Variants in GRB2 observed in about 807,000 individuals in gnomAD.
GRB2 encodes growth factor receptor-bound protein 2.
A neutral mutation model predicts 27.4 loss-of-function variants in GRB2; 2 were observed. The observed-to-expected ratio is 0.07, with a 90% CI of 0.03 to 0.23. GRB2 has a LOEUF of 0.23. Ranked by LOEUF, GRB2 falls within the 10% of genes least tolerant of loss-of-function variation. The pLI, the probability that GRB2 is intolerant of heterozygous loss-of-function variation, is 1.00. For missense variants in GRB2, 102 were observed against 282.4 expected, an observed-to-expected ratio of 0.36 and a Z score of 4.58; for synonymous variants, 94 against 99.6, an observed-to-expected ratio of 0.94 and a Z score of 0.33.
chr17:75,338,816 C>A, intron 2 of GRB2: 1 of 752,542 alleles, frequency 1.3e-6, no homozygotes, highest in Non-Finnish European at 2.4e-6. Flanking sequence ...GTGCTGATAG[C>A]ACTCACGCAA....
At chr17:75,388,244 G>T (rs1204933025) in intron 2 of GRB2, among the ~76,000 whole-genome samples, 2 of 151,592 alleles carry the variant, frequency 1.3e-5, no homozygotes, top group Admixed American at 1.3e-4. Flanking sequence ...TTACAGGTAC[G>T]CACGCGCACC....
chr17:75,377,940 C>T (rs1307217649), intron 2 of GRB2, among the ~76,000 whole-genome samples: 1 of 152,134 alleles, frequency 6.6e-6, no homozygotes, highest in Non-Finnish European at 1.5e-5. Flanking sequence ...AACAGCAAAA[C>T]AAAAACATCT....
intron 5 of GRB2, 116 bp downstream of exon 5, chr17:75,321,543 G>C (rs1376510615): frequency 3.4e-6 from 3 of 877,512 alleles, no homozygotes; most frequent in Non-Finnish European, 5.4e-6. Context: ...AAGCCCCAGC[G>C]GCAATCCCTG....
At chr17:75,345,104 C>T (rs1489030337) in intron 2 of GRB2, among the ~76,000 whole-genome samples, 8 of 151,994 alleles carry the variant, frequency 5.3e-5, no homozygotes, top group East Asian at 1.9e-4. Flanking sequence ...AGTGCAGTGG[C>T]GCAATCTCGG....
In GRB2 at chr17:75,320,617, G is replaced by A. The variant is rs1420577367; in HGVS notation, c.469-64C>T. 12 of 1,292,678 alleles carry A rather than the reference G, an allele frequency of 9.3e-6. No homozygotes were observed. The African/African-American group carries it at 1.3e-4, about 14-fold the overall frequency. The allele number at this position is 1,292,678 out of a possible 1,614,324, so 80.1% of individuals were successfully genotyped here. ...TGGTCTGTGACTGGCCACCTCCGAGGCCAGATGGGTTCCAGGGGGAAACGA... is the reference window on the plus strand; with the variant it reads ...TGGTCTGTGACTGGCCACCTCCGAGACCAGATGGGTTCCAGGGGGAAACGA... On this transcript the variant is annotated intron_variant, in intron 5 of 5. Coordinates refer to ENST00000316804, the MANE Select transcript of GRB2 (RefSeq NM_002086.5). The surrounding 1 kb of genome is among the most constrained non-coding windows in gnomAD (Gnocchi z 4.3).
chr17:75,327,653 G>C (rs1194918401), intron 3 of GRB2, among the ~76,000 whole-genome samples: 1 of 152,050 alleles, frequency 6.6e-6, no homozygotes, highest in African/African-American at 2.4e-5. Flanking sequence ...AAAGTCGCGA[G>C]CCACCACGCC....
intron 2 of GRB2, among the ~76,000 whole-genome samples, chr17:75,340,756 C>T (rs1479874060): frequency 6.6e-6 from 1 of 152,080 alleles, no homozygotes; most frequent in African/African-American, 2.4e-5. Context: ...TCACAATCAC[C>T]ACCTCCATCT....
At chr17:75,324,738 T>C (rs955113267) in intron 4 of GRB2, among the ~76,000 whole-genome samples, 1 of 151,520 alleles carries the variant, frequency 6.6e-6, no homozygotes, top group African/African-American at 2.4e-5. Flanking sequence ...GCTGGTCAGT[T>C]CATTTTTGAA....
chr17:75,367,652 C>A (rs1485174359), intron 2 of GRB2, among the ~76,000 whole-genome samples: 5 of 152,120 alleles, frequency 3.3e-5, no homozygotes, highest in Non-Finnish European at 7.4e-5. Flanking sequence ...CAGCAGTGGG[C>A]AAAGATTCTA....
At chr17:75,328,303 G>A (rs534680588) in intron 3 of GRB2, among the ~76,000 whole-genome samples, 6 of 150,278 alleles carry the variant, frequency 4.0e-5, no homozygotes, top group Middle Eastern at 3.6e-3. Context: ...CAGCCTGGGC[G>A]AAAGAGTGAG....
chr17:75,337,984 G>A (rs1464735302), intron 2 of GRB2, among the ~76,000 whole-genome samples: 3 of 150,076 alleles, frequency 2.0e-5, no homozygotes, highest in Admixed American at 6.7e-5. Flanking sequence ...AGGCTGGAGT[G>A]CAGTGGCACA....
chr17:75,388,788 A>C (rs1046508778), intron 2 of GRB2, among the ~76,000 whole-genome samples: 1 of 152,096 alleles, frequency 6.6e-6, no homozygotes, highest in Non-Finnish European at 1.5e-5. Context: ...GGACTTGTGC[A>C]CTGAAACTCA....
chr17:75,364,379 C>T (rs932613688), intron 2 of GRB2, among the ~76,000 whole-genome samples: 2 of 152,178 alleles, frequency 1.3e-5, no homozygotes, highest in African/African-American at 4.8e-5. Context: ...TACCAGAATT[C>T]ATGACAAATT....
At chr17:75,354,856 C>T (rs2078720959) in intron 2 of GRB2, among the ~76,000 whole-genome samples, 1 of 152,202 alleles carries the variant, frequency 6.6e-6, no homozygotes, top group African/African-American at 2.4e-5. Flanking sequence ...CACTGAGAAC[C>T]CAGCCATAGT....
intron 2 of GRB2, among the ~76,000 whole-genome samples, chr17:75,391,333 A>G (rs890842517): frequency 2.6e-5 from 4 of 152,174 alleles, no homozygotes; most frequent in African/African-American, 9.7e-5. Flanking sequence ...TTTCTCCTCC[A>G]TAATAAAAAT....
intron 2 of GRB2, among the ~76,000 whole-genome samples, chr17:75,366,066 C>T (rs9902966): frequency 0.65 from 99,358 of 151,996 alleles, 37,850 homozygotes; most frequent in East Asian, 0.91. Context: ...AGAAAGGAAA[C>T]ACCCTACAAT....
intron 1 of GRB2, among the ~76,000 whole-genome samples, chr17:75,403,004 G>A (rs2145879550): frequency 7.2e-6 from 1 of 138,780 alleles, no homozygotes; most frequent in South Asian, 2.3e-4. Context: ...GAACCCAGGA[G>A]GTGGAAGTTG....
chr17:75,332,747 T>C lies in GRB2; in HGVS notation c.129A>G (p.Gly43=). 6.2e-7 allele frequency: 1 copy of C among 1,612,496 alleles called. No homozygotes were observed. The highest frequency in any genetic ancestry group is 8.5e-7 in the Non-Finnish European group (1 of 1,178,934). Residue 43 remains glycine, a synonymous_variant, in exon 3 of 6, where the codon GGA becomes GGG. Transcript: ENST00000316804. ...DQNWYKAELN[G]KDGFIPKNYI... ...AGTTCTTGGGAATGAAGCCGTCTTTTCCATTAAGCTCTGCCTTGTACCAGT... is the reference window on the plus strand; with the variant it reads ...AGTTCTTGGGAATGAAGCCGTCTTTCCCATTAAGCTCTGCCTTGTACCAGT...
At chr17:75,346,669 A>C (rs918533739) in intron 2 of GRB2, among the ~76,000 whole-genome samples, 1 of 125,090 alleles carries the variant, frequency 8.0e-6, no homozygotes, top group East Asian at 2.6e-4. Context: ...TGCAACCTCC[A>C]CCGCCCGGGT....
Sources: gnomAD v4.1 joint callset for allele counts (sites outside exome capture counted in the v4.1 genomes callset) on GRCh38, gnomAD v4.1.1 for gene constraint, Gnocchi (gnomAD v3.1) non-coding constraint, MANE v1.5 for transcripts, NCBI Gene and HGNC (gene_info 2026-07-23, HGNC 2026-07-21) for gene names.